Variants in FBXO16 observed in about 807,000 individuals in gnomAD.
FBXO16 encodes F-box protein 16.
FBXO16 carries 31 observed loss-of-function variants against 41.0 expected under a neutral mutation model. That is an observed-to-expected ratio of 0.76 (90% CI 0.57 to 1.02). The LOEUF is 1.02. Among genes scored for constraint, FBXO16 ranks in the 50% least tolerant of loss-of-function variants. FBXO16 has a pLI of 0.00. For missense variants in FBXO16, 361 were observed against 346.2 expected (o/e 1.04, Z -0.34); for synonymous variants, 133 against 117.8 (o/e 1.13, Z -0.84).
At chr8:28,454,753 G>GAAA (rs1563363014) in intron 5 of FBXO16, among the ~76,000 whole-genome samples, 1,594 of 57,974 alleles carry the variant, frequency 0.027, 64 homozygotes, top group African/African-American at 0.083. Flanking sequence ...AAAAAAAAAG[G>GAAA]ATCATTAATT....
At chr8:28,452,148 T>G in intron 6 of FBXO16, 96 bp downstream of exon 6, 1 of 1,209,474 alleles carries the variant, frequency 8.3e-7, no homozygotes, top group Non-Finnish European at 1.1e-6. Flanking sequence ...GCTTTTGTAT[T>G]TCACAGTAAG....
chr8:28,449,358 G>A (rs1802916783), intron 6 of FBXO16, among the ~76,000 whole-genome samples: 2 of 119,832 alleles, frequency 1.7e-5, no homozygotes, highest in South Asian at 5.1e-4. Context: ...GTCTTGCTCT[G>A]TCACCCAGGC....
chr8:28,472,206 T>G (rs1187942859), intron 3 of FBXO16, among the ~76,000 whole-genome samples: 1 of 152,136 alleles, frequency 6.6e-6, no homozygotes, highest in Non-Finnish European at 1.5e-5. Flanking sequence ...TCCTCCTGCC[T>G]TACCCATCCC....
chr8:28,486,229 T>A (rs1412951397), intron 1 of FBXO16, among the ~76,000 whole-genome samples: 1 of 106,916 alleles, frequency 9.4e-6, no homozygotes, highest in East Asian at 3.4e-4. Flanking sequence ...CTTCTTCTTC[T>A]TCTTTTTTTT....
At chr8:28,429,532 G>A in intron 7 of FBXO16, 129 bp from the exon 8 acceptor site, 1 of 1,010,342 alleles carries the variant, frequency 9.9e-7, no homozygotes, top group Non-Finnish European at 1.5e-6. Flanking sequence ...AACTGTGCAA[G>A]GAGAGACCTA....
Position 28,456,925 on chromosome 8 carries a change from G to C in FBXO16, c.348C>G (p.Cys116Trp). The change falls in exon 5 of 9, where the codon TGC becomes TGG. Residue 116 changes from cysteine to tryptophan, a missense_variant. Cys to Trp is a radical substitution (Grantham distance 215). Coordinates refer to ENST00000380254, the MANE Select transcript of FBXO16 (RefSeq NM_172366.4). ...GCTCAGCAAGGTTCTTCCAATGCCA[G>C]CACACCTGGAAAAACAATTACAATT... Reference protein sequence around the residue: ...PRSLCRCAQVCWHWKNLAELD... With the variant: ...PRSLCRCAQVWWHWKNLAELD... The C allele has an allele frequency of 6.2e-7, 1 of 1,611,512 alleles. No homozygotes were observed. Among genetic ancestry groups the C allele is most frequent in the South Asian group, 1.1e-5 (1 of 90,480 alleles).
intron 6 of FBXO16, 53 bp downstream of exon 6, chr8:28,452,191 C>T (rs1802964714): frequency 1.3e-6 from 2 of 1,511,156 alleles, no homozygotes; most frequent in African/African-American, 2.8e-5. Context: ...ACTGAAATGC[C>T]AATAAATTAT....
At chr8:28,468,027 A>G (rs928144911) in intron 3 of FBXO16, among the ~76,000 whole-genome samples, 2 of 152,216 alleles carry the variant, frequency 1.3e-5, no homozygotes, top group Admixed American at 6.5e-5. Flanking sequence ...ATCCCTCTAC[A>G]ATTTAGAAGG....
Position 28,463,769 on chromosome 8 carries a change from A to G in FBXO16, c.185T>C (p.Leu62Ser). 1 of 1,614,118 alleles carries G rather than the reference A, an allele frequency of 6.2e-7. No homozygotes were observed. The highest frequency in any genetic ancestry group is 8.5e-7 in the Non-Finnish European group (1 of 1,179,972). ...TTGCTGGGACAGCGAGCAGCGCTCC[A>G]ACAGGCCTGTGAGGATTCTTCTTCT... The part of the protein sequence containing the change: ...SQRRRILTGL[L>S]ERCSLSQQKF... The change falls in exon 4 of 9, where the codon TTG becomes TCG. Residue 62 changes from leucine to serine, a missense_variant. Transcript: ENST00000380254.
chr8:28,476,447 G>T (rs1803424494), intron 2 of FBXO16, among the ~76,000 whole-genome samples: 2 of 152,184 alleles, frequency 1.3e-5, no homozygotes, highest in Non-Finnish European at 2.9e-5. Flanking sequence ...CAGGTTCTCA[G>T]TTGGACTTAT....
chr8:28,452,248 G>A lies in FBXO16; in HGVS notation c.736C>T (p.Gln246Ter), dbSNP rs1171585633. ...DNRDPMETVQ[Q>*]GRRKRNQMTP... ...GAAGAGCATGGAGCTTCTTACCCTT[G>A]CTGGACAGTCTCCATGGGGTCACGG... Residue 246 changes from glutamine to a stop codon, truncating the protein, a stop_gained, in exon 6 of 9, where the codon CAA becomes TAA. Coordinates refer to ENST00000380254, the MANE Select transcript of FBXO16 (RefSeq NM_172366.4). LOFTEE classifies it high-confidence loss of function. 2 of 1,613,904 alleles carry A rather than the reference G, an allele frequency of 1.2e-6. No individual in the cohort carries two copies. The highest frequency in any genetic ancestry group is 2.2e-5 in the South Asian group (2 of 91,060).
At chr8:28,444,054 T>C (rs898580737) in intron 7 of FBXO16, among the ~76,000 whole-genome samples, 1 of 152,162 alleles carries the variant, frequency 6.6e-6, no homozygotes, top group African/African-American at 2.4e-5. Context: ...TTGCTTTCAC[T>C]GTATGAACTT....
At chr8:28,488,333 G>A (rs1803636149) in intron 1 of FBXO16, among the ~76,000 whole-genome samples, 1 of 110,236 alleles carries the variant, frequency 9.1e-6, no homozygotes, top group Non-Finnish European at 1.7e-5. Flanking sequence ...GTCTTGCTCT[G>A]TCACTCAGGC....
At chr8:28,462,828 A>G (rs1803159600) in intron 4 of FBXO16, among the ~76,000 whole-genome samples, 1 of 152,180 alleles carries the variant, frequency 6.6e-6, no homozygotes, top group Admixed American at 6.5e-5. Context: ...GATCTCTTTT[A>G]GTCTCATTCT....
chr8:28,442,047 G>A (rs1166513424), intron 7 of FBXO16, among the ~76,000 whole-genome samples: 5 of 149,448 alleles, frequency 3.3e-5, no homozygotes, highest in East Asian at 2.1e-4. Context: ...GGGTTAAAGC[G>A]ATTCTCCTGC....
At chr8:28,452,932 G>GACT (rs1554525993) in intron 5 of FBXO16, among the ~76,000 whole-genome samples, 1 of 151,108 alleles carries the variant, frequency 6.6e-6, no homozygotes, top group Non-Finnish European at 1.5e-5. Flanking sequence ...AGAAAAAAAG[G>GACT]AATATCATCA....
intron 4 of FBXO16, among the ~76,000 whole-genome samples, chr8:28,461,218 G>A (rs1803129544): frequency 1.3e-5 from 2 of 152,002 alleles, no homozygotes; most frequent in South Asian, 4.2e-4. Context: ...TCTTATACAG[G>A]TATGGCTTTT....
At chr8:28,480,502 C>T (rs893346160) in intron 2 of FBXO16, among the ~76,000 whole-genome samples, 4 of 149,126 alleles carry the variant, frequency 2.7e-5, no homozygotes, top group Non-Finnish European at 6.0e-5. Context: ...TTCTTTCTTT[C>T]TTTTTTTTTT....
chr8:28,462,721 A>C (rs1233135376), intron 4 of FBXO16, among the ~76,000 whole-genome samples: 1 of 152,248 alleles, frequency 6.6e-6, no homozygotes, highest in African/African-American at 2.4e-5. Context: ...AAAATAATTT[A>C]ACTTCACTTT....
Sources: gnomAD v4.1 joint callset for allele counts (sites outside exome capture counted in the v4.1 genomes callset) on GRCh38, gnomAD v4.1.1 for gene constraint, MANE v1.5 for transcripts, NCBI Gene and HGNC (gene_info 2026-07-23, HGNC 2026-07-21) for gene names.